TMEM135: variants seen among roughly 807,000 people sequenced by gnomAD.
The protein encoded by TMEM135 is peroxisomal membrane protein 52.
TMEM135 carries 30 observed loss-of-function variants against 60.3 expected under a neutral mutation model. That is an observed-to-expected ratio of 0.50 (90% CI 0.37 to 0.68). The LOEUF is 0.68. Ranked by LOEUF, TMEM135 falls within the 30% of genes least tolerant of loss-of-function variation. The probability of loss-of-function intolerance (pLI) is 0.00; values close to 1 mark genes in which losing one functional copy is unlikely to be tolerated. For missense variants in TMEM135, 468 were observed against 548.8 expected (o/e 0.85, Z 1.47); for synonymous variants, 190 against 186.7 (o/e 1.02, Z -0.14).
At chr11:87,185,572 A>T (rs1565478346) in intron 5 of TMEM135, among the ~76,000 whole-genome samples, 1 of 152,214 alleles carries the variant, frequency 6.6e-6, no homozygotes, top group Non-Finnish European at 1.5e-5. Context: ...GAAGAGACAC[A>T]TAATATCTGG....
intron 7 of TMEM135, among the ~76,000 whole-genome samples, chr11:87,301,089 T>C (rs543564810): frequency 2.0e-5 from 3 of 152,330 alleles, no homozygotes; most frequent in South Asian, 4.1e-4. Context: ...GATTCACAGC[T>C]GCCATCTGGT....
rs764178878 is a variant in TMEM135 at position 87,067,854 on chromosome 11, T to C, written c.269+33T>C. The C allele has an allele frequency of 1.9e-6, 3 of 1,610,696 alleles. No individual in the cohort carries two copies. In the South Asian group the frequency reaches 3.3e-5, roughly 18 times the overall value. ...CTCATAATCACCATAGATACTAATA[T>C]AGGTTCTTCTATTGAAATGGAAACA... On this transcript the variant is annotated intron_variant, in intron 2 of 14. Transcript: ENST00000305494.
intron 3 of TMEM135, among the ~76,000 whole-genome samples, chr11:87,076,273 C>T (rs944528526): frequency 1.3e-5 from 2 of 152,234 alleles, no homozygotes; most frequent in Non-Finnish European, 2.9e-5. Flanking sequence ...ACTCTTCCCT[C>T]CCCTTTCCAC....
chr11:87,141,499 C>T (rs1419181084), intron 4 of TMEM135, among the ~76,000 whole-genome samples: 1 of 152,094 alleles, frequency 6.6e-6, no homozygotes, highest in Non-Finnish European at 1.5e-5. Flanking sequence ...ATTTTTCTAC[C>T]TGCACAGTCA....
chr11:87,107,882 T>A (rs915823356), intron 4 of TMEM135, among the ~76,000 whole-genome samples: 2 of 152,176 alleles, frequency 1.3e-5, no homozygotes, highest in African/African-American at 2.4e-5. Context: ...CCACCAACAG[T>A]GTAAAAGTGT....
At chr11:87,038,562 G>A (rs1949723707) in intron 1 of TMEM135, among the ~76,000 whole-genome samples, 1 of 150,254 alleles carries the variant, frequency 6.7e-6, no homozygotes, top group Non-Finnish European at 1.5e-5. Flanking sequence ...GAGGCTATGA[G>A]AAGGACCTGC....
At chr11:87,108,493 A>G (rs914436190) in intron 4 of TMEM135, among the ~76,000 whole-genome samples, 7 of 151,240 alleles carry the variant, frequency 4.6e-5, no homozygotes, top group African/African-American at 1.7e-4. Flanking sequence ...TTTATTTAAA[A>G]AAACTCTCAG....
intron 5 of TMEM135, among the ~76,000 whole-genome samples, chr11:87,227,625 A>G (rs1046127833): frequency 1.3e-5 from 2 of 152,178 alleles, no homozygotes; most frequent in African/African-American, 4.8e-5. Context: ...TTGTTATATG[A>G]CAATACATAG....
intron 3 of TMEM135, among the ~76,000 whole-genome samples, chr11:87,082,256 G>C (rs975244957): frequency 6.6e-6 from 1 of 152,104 alleles, no homozygotes. Flanking sequence ...ATGTGTCTGT[G>C]CGTATTTGGA....
chr11:87,138,252 G>A (rs1017407739), intron 4 of TMEM135, among the ~76,000 whole-genome samples: 2 of 151,642 alleles, frequency 1.3e-5, no homozygotes, highest in East Asian at 1.9e-4. Context: ...CACCACACCC[G>A]GCTAATTTTT....
intron 6 of TMEM135, among the ~76,000 whole-genome samples, chr11:87,247,905 C>T (rs1000153910): frequency 7.2e-5 from 11 of 152,164 alleles, no homozygotes; most frequent in East Asian, 1.9e-4. Context: ...GAGATAAACC[C>T]GGTACCTCAG....
At chr11:87,123,224 G>T (rs2135219459) in intron 4 of TMEM135, among the ~76,000 whole-genome samples, 1 of 152,258 alleles carries the variant, frequency 6.6e-6, no homozygotes, top group East Asian at 1.9e-4. Flanking sequence ...TTCTCTCTCA[G>T]TTCAGAGGCT....
chr11:87,327,439 G>C lies in TMEM135; in HGVS notation c.*6106G>C, dbSNP rs1021251504. 2.2e-6 allele frequency: 1 copy of C among 453,956 alleles called. No homozygotes were observed. Among genetic ancestry groups the C allele is most frequent in the African/African-American group, 2.0e-5 (1 of 49,992 alleles). 28.1% of individuals were successfully genotyped at this position (453,956 alleles called of 1,614,324 possible). A position where few individuals can be genotyped will look rare whatever the true frequency, so the allele number is the denominator to read the frequency against. On this transcript the variant is annotated 3_prime_UTR_variant, in exon 15 of 15. Coordinates refer to ENST00000305494, the MANE Select transcript of TMEM135 (RefSeq NM_022918.4). Reference sequence around the variant, plus strand: ...GGTGCCATTAACCATCTGCATTTGAGCATTTTGAGAAAATAAACCTCTATT... The same window carrying C: ...GGTGCCATTAACCATCTGCATTTGACCATTTTGAGAAAATAAACCTCTATT...
At chr11:87,096,172 T>G (rs1412670626) in intron 4 of TMEM135, 14 of 265,666 alleles carry the variant, frequency 5.3e-5, no homozygotes, top group Non-Finnish European at 9.7e-5. Flanking sequence ...CTTGGAAAAC[T>G]AGCAAAAGTT....
intron 5 of TMEM135, among the ~76,000 whole-genome samples, chr11:87,235,113 A>G (rs960398583): frequency 6.6e-6 from 1 of 152,052 alleles, no homozygotes; most frequent in Non-Finnish European, 1.5e-5. Flanking sequence ...TAGGCAAATT[A>G]TAACCAGTAA....
chr11:87,242,256 G>T (rs1013729618), intron 6 of TMEM135, among the ~76,000 whole-genome samples: 1 of 151,626 alleles, frequency 6.6e-6, no homozygotes, highest in Non-Finnish European at 1.5e-5. Context: ...TATCATTGTC[G>T]GACATTTGGG....
At chr11:87,277,362 C>A (rs1941987421) in intron 6 of TMEM135, 2 of 327,970 alleles carry the variant, frequency 6.1e-6, no homozygotes, top group Non-Finnish European at 1.3e-5. Context: ...AATTCTTGGC[C>A]TTAAGTGATC....
intron 4 of TMEM135, among the ~76,000 whole-genome samples, chr11:87,142,057 C>T (rs1938276569): frequency 6.6e-6 from 1 of 152,082 alleles, no homozygotes; most frequent in Non-Finnish European, 1.5e-5. Context: ...CTCCCCAAAC[C>T]CCCTCAGGCT....
chr11:87,200,543 C>T (rs1940070590), intron 5 of TMEM135, among the ~76,000 whole-genome samples: 1 of 152,148 alleles, frequency 6.6e-6, no homozygotes, highest in Non-Finnish European at 1.5e-5. Context: ...CCAGTGTGCA[C>T]AGACTCCTCC....
Sources: gnomAD v4.1 joint callset for allele counts (sites outside exome capture counted in the v4.1 genomes callset) on GRCh38, gnomAD v4.1.1 for gene constraint, MANE v1.5 for transcripts, NCBI Gene and HGNC (gene_info 2026-07-23, HGNC 2026-07-21) for gene names.